EPHA5: variants seen among roughly 807,000 people sequenced by gnomAD.
The protein encoded by EPHA5 is ephrin type-A receptor 5.
EPHA5 carries 60 observed loss-of-function variants against 105.0 expected under a neutral mutation model. That is an observed-to-expected ratio of 0.57 (90% confidence interval 0.46 to 0.71). The LOEUF (loss-of-function observed/expected upper bound fraction) is 0.71. Ranked by LOEUF, EPHA5 falls within the 30% of genes least tolerant of loss-of-function variation. The pLI is 0.00. For missense variants in EPHA5, 1,218 were observed against 1,274.7 expected (o/e 0.96, Z 0.68); for synonymous variants, 513 against 449.1 (o/e 1.14, Z -1.80).
At position 65,354,922 on chromosome 4, in the gene EPHA5, G is replaced by T. The variant is rs28492382; in HGVS notation, c.2174-1819C>A. 9.9e-3 allele frequency among the ~76,000 whole-genome samples: 1,503 copies of T among 151,894 alleles called. 24 individuals carry two copies. The highest frequency in any genetic ancestry group is 0.034 in the African/African-American group (1,430 of 41,512). On this transcript the variant is annotated intron_variant, in intron 11 of 16. Transcript: ENST00000613740. Reference sequence around the variant, plus strand: ...TTTCTTTAAATGGAATGTGATAAGTGTATTGCAAAGGCAGCCACATTTCCT... The same window carrying T: ...TTTCTTTAAATGGAATGTGATAAGTTTATTGCAAAGGCAGCCACATTTCCT...
chr4:65,517,005 G>T (rs1025920776), intron 3 of EPHA5, among the ~76,000 whole-genome samples: 1 of 152,040 alleles, frequency 6.6e-6, no homozygotes, highest in African/African-American at 2.4e-5. Flanking sequence ...ATATTGCTCA[G>T]ATCTATATTT....
chr4:65,635,068 A>G (rs59778948), intron 2 of EPHA5, among the ~76,000 whole-genome samples: 190 of 152,286 alleles, frequency 1.2e-3, no homozygotes, highest in African/African-American at 4.5e-3. Flanking sequence ...GAGAAAACAC[A>G]TAAAACACTA....
At chr4:65,330,094 T>C (rs796463491) in intron 16 of EPHA5, among the ~76,000 whole-genome samples, 57 of 151,460 alleles carry the variant, frequency 3.8e-4, no homozygotes, top group African/African-American at 1.4e-3. Flanking sequence ...CCCCAGGAAT[T>C]TGGAGCAGTT....
In EPHA5 at chr4:65,351,521, A is replaced by G. The variant is rs774180811; in HGVS notation, c.2313T>C (p.Ser771=). 1 of 1,613,802 alleles carries G rather than the reference A, an allele frequency of 6.2e-7. No homozygotes were observed. Among genetic ancestry groups the G allele is most frequent in the Non-Finnish European group, 8.5e-7 (1 of 1,179,812 alleles). The stretch of plus-strand genomic sequence containing the variant: ...GATCTCTATGCACATAGCCCATGTC[A>G]GAAAGGTACTTCATTCCTGCAGAGA... The part of the protein sequence containing the change: ...RGISAGMKYL[S]DMGYVHRDLA... Residue 771 remains serine (S), a synonymous_variant, in exon 13 of 17, where the codon TCT becomes TCC. Coordinates refer to ENST00000613740, the MANE Select transcript of EPHA5 (RefSeq NM_001281766.3).
intron 3 of EPHA5, among the ~76,000 whole-genome samples, chr4:65,532,975 C>T (rs1195096884): frequency 1.3e-5 from 2 of 152,076 alleles, no homozygotes; most frequent in Non-Finnish European, 2.9e-5. Context: ...GTCATGCTTC[C>T]ATCCCCCTAA....
Position 65,669,718 on chromosome 4 carries a change from C to T in EPHA5, c.25G>A (p.Ala9Thr). The T allele has an allele frequency of 7.8e-7, 1 of 1,276,398 alleles. No individual in the cohort carries two copies. Among genetic ancestry groups the T allele is most frequent in the Non-Finnish European group, 9.9e-7 (1 of 1,009,852 alleles). 79.1% of individuals were successfully genotyped at this position (1,276,398 alleles called of 1,614,324 possible). A position where few individuals can be genotyped will look rare whatever the true frequency, so the allele number is the denominator to read the frequency against. The change falls in exon 1 of 17, where the codon GCG (alanine) becomes ACG (threonine). Residue 9 changes from alanine (A) to threonine (T), a missense_variant. Coordinates refer to ENST00000613740, the MANE Select transcript of EPHA5 (RefSeq NM_001281766.3). The part of the protein sequence containing the change: MRGSGPRG[A>T]GRRRPPSGGG... ...CCGCTTGGGGGCCGCCGGCGTCCCG[C>T]ACCCCGGGGCCCCGAGCCCCGCATC...
intron 5 of EPHA5, among the ~76,000 whole-genome samples, chr4:65,445,507 A>G (rs1435602515): frequency 6.6e-6 from 1 of 152,110 alleles, no homozygotes; most frequent in East Asian, 1.9e-4. Flanking sequence ...GTAGTAATGA[A>G]GATGCCAACA....
At position 65,351,591 on chromosome 4, in the gene EPHA5, T is replaced by C. The variant is rs777926897; in HGVS notation, c.2243A>G (p.Asp748Gly). 7 of 1,613,376 alleles carry C rather than the reference T, an allele frequency of 4.3e-6. No individual in the cohort carries two copies. Among genetic ancestry groups the C allele is most frequent in the Non-Finnish European group, 4.2e-6 (5 of 1,179,590 alleles). ...AAGCTGAATCACAGTGAACTGCCCA[T>C]CGTTTTTCTGTAAAGACAATGTAGA... ...GSLDTFLKKNDGQFTVIQLVG... is the reference protein window; with the variant it reads ...GSLDTFLKKNGGQFTVIQLVG... The change falls in exon 13 of 17, where the codon GAT becomes GGT. Residue 748 changes from aspartate to glycine, a missense_variant. Around this residue, in one of 3 missense-constraint regions of EPHA5, gnomAD observed 971 missense variants for 1,013.5 expected, o/e 0.96. Transcript: ENST00000613740.
At chr4:65,533,057 A>AT (rs893200250) in intron 3 of EPHA5, among the ~76,000 whole-genome samples, 9 of 150,782 alleles carry the variant, frequency 6.0e-5, no homozygotes, top group African/African-American at 1.5e-4. Flanking sequence ...TTCCATTAAT[A>AT]TTTTTTTTTC....
chr4:65,489,811 G>A (rs192050592), intron 5 of EPHA5, among the ~76,000 whole-genome samples: 1 of 152,186 alleles, frequency 6.6e-6, no homozygotes, highest in Non-Finnish European at 1.5e-5. Context: ...ATCTAGAAGT[G>A]TTTTCAGGTG....
At chr4:65,482,486 C>A (rs906443166) in intron 5 of EPHA5, among the ~76,000 whole-genome samples, 3 of 152,014 alleles carry the variant, frequency 2.0e-5, no homozygotes, top group African/African-American at 4.8e-5. Flanking sequence ...GATTTCATTT[C>A]TTTAGGGTTT....
intron 6 of EPHA5, among the ~76,000 whole-genome samples, chr4:65,414,841 T>G (rs560563898): frequency 2.1e-4 from 32 of 152,320 alleles, no homozygotes; most frequent in African/African-American, 7.2e-4. Flanking sequence ...TACAGAAAGT[T>G]AACAACATCT....
intron 14 of EPHA5, among the ~76,000 whole-genome samples, chr4:65,338,469 C>T (rs1721392950): frequency 6.6e-6 from 1 of 151,828 alleles, no homozygotes; most frequent in African/African-American, 2.4e-5. Flanking sequence ...TTCTTTAGCA[C>T]CCTTTTTTTT....
chr4:65,580,604 T>G (rs1353688797), intron 3 of EPHA5, among the ~76,000 whole-genome samples: 1 of 151,542 alleles, frequency 6.6e-6, no homozygotes, highest in Non-Finnish European at 1.5e-5. Context: ...GTGAAACACA[T>G]ATCAAATAAA....
chr4:65,455,379 C>A (rs181478363), intron 5 of EPHA5, among the ~76,000 whole-genome samples: 1 of 152,296 alleles, frequency 6.6e-6, no homozygotes, highest in Admixed American at 6.5e-5. Context: ...AAGCAAACAG[C>A]TGGACATCAG....
chr4:65,463,689 A>T (rs1392024758), intron 5 of EPHA5, among the ~76,000 whole-genome samples: 2 of 152,156 alleles, frequency 1.3e-5, no homozygotes, highest in Non-Finnish European at 2.9e-5. Flanking sequence ...TGTCAAAAAA[A>T]ATATTGTCTA....
intron 3 of EPHA5, chr4:65,573,356 A>G (rs1224166385): frequency 1.6e-6 from 1 of 640,864 alleles, no homozygotes; most frequent in Non-Finnish European, 2.4e-6. Context: ...GCTTGCAATG[A>G]GCTGAGATTG....
At chr4:65,657,898 CAAAA>C (rs58539913) in intron 1 of EPHA5, among the ~76,000 whole-genome samples, 28,264 of 117,212 alleles carry the variant, frequency 0.24, 2,617 homozygotes, top group African/African-American at 0.33. Context: ...TTGGTATATG[CAAAA>C]AAAAAAAAAA....
rs140908620 is a variant in EPHA5 at position 65,658,203 on chromosome 4, G to A, written c.181+11359C>T. Among the ~76,000 whole-genome samples, 895 of 152,194 alleles carry A rather than the reference G, an allele frequency of 5.9e-3. 9 individuals are homozygous for A. Among genetic ancestry groups the A allele is most frequent in the African/African-American group, 0.021 (869 of 41,528 alleles). On this transcript the variant is annotated intron_variant, in intron 1 of 16. Transcript: ENST00000613740. ...ATCAAATTATTTAGTGAAGAAAAGA[G>A]GTGAGTGTTTCTGACTGAGCTCATA...
Sources: allele counts gnomAD v4.1 joint callset (sites outside exome capture counted in the v4.1 genomes callset), GRCh38; gene constraint gnomAD v4.1.1; regional missense constraint gnomAD v4.1.1; transcripts MANE v1.5; gene names NCBI Gene and HGNC (gene_info 2026-07-23, HGNC 2026-07-21).